Variants in GTSE1 observed in about 807,000 individuals in gnomAD.
GTSE1 encodes G2 and S phase-expressed protein 1.
GTSE1 carries 52 observed loss-of-function variants against 60.5 expected under a neutral mutation model. The ratio of observed to expected loss-of-function variants is 0.86; its 90% CI spans 0.69 to 1.08. The LOEUF (loss-of-function observed/expected upper bound fraction) is 1.08, where lower values mean the gene tolerates loss of function less well. Among genes scored for constraint, GTSE1 ranks in the 50% least tolerant of loss-of-function variants. The probability of loss-of-function intolerance (pLI) is 0.00; values close to 1 mark genes in which losing one functional copy is unlikely to be tolerated. For missense variants in GTSE1, 937 were observed against 961.8 expected, an observed-to-expected ratio of 0.97 and a Z score of 0.34; for synonymous variants, 368 against 386.5, an observed-to-expected ratio of 0.95 and a Z score of 0.56.
At chr22:46,301,069 A>G (rs1049565177) in intron 2 of GTSE1, among the ~76,000 whole-genome samples, 2 of 152,224 alleles carry the variant, frequency 1.3e-5, no homozygotes, top group African/African-American at 4.8e-5. Context: ...ATTGTGTATC[A>G]ACACATGAAG....
intron 2 of GTSE1, among the ~76,000 whole-genome samples, chr22:46,301,060 T>A (rs1465808365): frequency 6.6e-6 from 1 of 152,230 alleles, no homozygotes; most frequent in Non-Finnish European, 1.5e-5. Flanking sequence ...TTGATGAATA[T>A]TGTGTATCAA....
chr22:46,297,845 C>G lies in GTSE1; in HGVS notation c.79+366C>G, dbSNP rs2077666242. ...TTTGAGACCATGTTAATGAGTAAGC[C>G]TGGCCCCAAACCCCTTTCTTCTTGT... On this transcript the variant is annotated intron_variant, in intron 2 of 11. Transcript: ENST00000454366. This position sits in a 1 kb window ranked among gnomAD's most constrained non-coding sequence, Gnocchi z 4.9. Among the ~76,000 whole-genome samples the G allele has an allele frequency of 6.6e-6, 1 of 152,216 alleles. No individual in the cohort carries two copies.
chr22:46,322,015 G>A lies in GTSE1; in HGVS notation c.1433-1175G>A, dbSNP rs528812444. 1.4e-4 allele frequency among the ~76,000 whole-genome samples: 21 copies of A among 149,324 alleles called. No homozygotes were observed. The East Asian group carries it at 3.7e-3, about 27-fold the overall frequency. On this transcript the variant is annotated intron_variant, in intron 7 of 11. Transcript: ENST00000454366. ...CTTGAACCCAGGAGGCGGAGGTTGC[G>A]GTAAGCCGAGATCATGCCACTGCAC...
intron 7 of GTSE1, among the ~76,000 whole-genome samples, chr22:46,322,169 G>T (rs1018798585): frequency 6.6e-6 from 1 of 152,028 alleles, no homozygotes; most frequent in African/African-American, 2.4e-5. Context: ...GGGCAGGGAC[G>T]TGGGACAGGA....
rs1241462352 is a variant in GTSE1 at position 46,321,284 on chromosome 22, G to A, written c.1433-1906G>A. 2.0e-5 allele frequency among the ~76,000 whole-genome samples: 3 copies of A among 152,172 alleles called. No homozygotes were observed. The East Asian group carries it at 5.8e-4, about 29-fold the overall frequency. ...CTGGGCATGGTGCTGGGCACCTGTA[G>A]TCCCAGCTACTTGGGAGACTGAGGC... is the stretch of plus-strand genomic sequence containing the variant. On this transcript the variant is annotated intron_variant, in intron 7 of 11. Transcript: ENST00000454366. The surrounding 1 kb of genome is among the most constrained non-coding windows in gnomAD (Gnocchi z 4.0).
Position 46,329,056 on chromosome 22 carries a change from G to T in GTSE1, c.1926+167G>T. ...CAAAGGGAGGCAGTCAGGACTTCCAGGCCTCCAGGGGAGAAAGCCCTGCAT... is the reference window on the plus strand; with the variant it reads ...CAAAGGGAGGCAGTCAGGACTTCCATGCCTCCAGGGGAGAAAGCCCTGCAT... On this transcript the variant is annotated intron_variant, in intron 10 of 11. Coordinates refer to ENST00000454366, the MANE Select transcript of GTSE1 (RefSeq NM_016426.7). This position sits in a 1 kb window ranked among gnomAD's most constrained non-coding sequence, Gnocchi z 6.4. 1.6e-6 allele frequency: 1 copy of T among 628,778 alleles called. No individual in the cohort carries two copies. The highest frequency in any genetic ancestry group is 2.8e-6 in the Non-Finnish European group (1 of 357,320). 38.9% of individuals were successfully genotyped at this position (628,778 alleles called of 1,614,324 possible). A position where few individuals can be genotyped will look rare whatever the true frequency, so the allele number is the denominator to read the frequency against.
Position 46,326,472 on chromosome 22 carries a change from T to C in GTSE1, c.1542T>C (p.Ser514=). Residue 514 remains serine (S), a synonymous_variant, in exon 9 of 12, where the codon TCT becomes TCC. Coordinates refer to ENST00000454366, the MANE Select transcript of GTSE1 (RefSeq NM_016426.7). ...ACAGCACCCCGGTTAGACGCTCATC[T>C]GGGCCAGCACCACAAAGCCTGCTGA... The part of the protein sequence containing the change: ...TVHSTPVRRS[S]GPAPQSLLSA... 3 of 1,611,164 alleles carry C rather than the reference T, an allele frequency of 1.9e-6. No individual in the cohort carries two copies. The highest frequency in any genetic ancestry group is 2.5e-6 in the Non-Finnish European group (3 of 1,177,538).
chr22:46,303,200 T>C (rs1001530584), intron 2 of GTSE1, among the ~76,000 whole-genome samples: 29 of 152,310 alleles, frequency 1.9e-4, no homozygotes, highest in African/African-American at 7.0e-4. Flanking sequence ...CTGCCCGGTC[T>C]ACTTTCCCTC....
In GTSE1 at chr22:46,308,576, A is replaced by C; in HGVS notation, c.395A>C (p.Gln132Pro). ...QAAKPEDPRSQGVERFIQESK... is the reference protein window; with the variant it reads ...QAAKPEDPRSPGVERFIQESK... Reference sequence around the variant, plus strand: ...GCCAAGCCTGAAGACCCTCGGAGCCAGGGCGTGGAAAGATTCATACAGGAG... The same window carrying C: ...GCCAAGCCTGAAGACCCTCGGAGCCCGGGCGTGGAAAGATTCATACAGGAG... The change falls in exon 4 of 12, where the codon CAG (glutamine) becomes CCG (proline). Residue 132 changes from glutamine to proline, a missense_variant. Transcript: ENST00000454366. 6.2e-7 allele frequency: 1 copy of C among 1,614,224 alleles called. No homozygotes were observed. Among genetic ancestry groups the C allele is most frequent in the South Asian group, 1.1e-5 (1 of 91,088 alleles).
At position 46,309,001 on chromosome 22, in the gene GTSE1, T is replaced by A; in HGVS notation, c.762+58T>A. ...GCCCCCACTCCTTGCCCCTCAGCCC[T>A]CTCACAGAAGCCACATGCGGAAAGC... On this transcript the variant is annotated intron_variant, in intron 4 of 11. Coordinates refer to ENST00000454366, the MANE Select transcript of GTSE1 (RefSeq NM_016426.7). The surrounding 1 kb of genome is among the most constrained non-coding windows in gnomAD (Gnocchi z 6.2). 1 of 1,534,052 alleles carries A rather than the reference T, an allele frequency of 6.5e-7. No homozygotes were observed. Among genetic ancestry groups the A allele is most frequent in the East Asian group, 2.3e-5 (1 of 44,226 alleles).
chr22:46,299,654 C>T (rs2147810556), intron 2 of GTSE1, among the ~76,000 whole-genome samples: 1 of 152,326 alleles, frequency 6.6e-6, no homozygotes, highest in East Asian at 1.9e-4. Context: ...GTCTCACCGG[C>T]TTCTACTTCC....
At chr22:46,315,910 A>G in intron 6 of GTSE1, 122 bp from the exon 7 acceptor site, 2 of 781,156 alleles carry the variant, frequency 2.6e-6, no homozygotes, top group Non-Finnish European at 4.0e-6. Flanking sequence ...AAGGGCTTAT[A>G]GAATATTGTT....
intron 8 of GTSE1, 73 bp downstream of exon 8, chr22:46,323,335 T>C: frequency 8.6e-7 from 1 of 1,157,498 alleles, no homozygotes; most frequent in Non-Finnish European, 1.3e-6. Context: ...CTCAACCATT[T>C]GGTAACCCTG....
rs1311409064 is a variant in GTSE1 at position 46,316,573 on chromosome 22, G to A, written c.1432+161G>A. ...GTCTTCTCGCCCACGTTGTTTTGGG[G>A]GGTCACTGGAGGCTCCCTGAATGTC... is the stretch of plus-strand genomic sequence containing the variant. On this transcript the variant is annotated intron_variant, in intron 7 of 11. Coordinates refer to ENST00000454366, the MANE Select transcript of GTSE1 (RefSeq NM_016426.7). This position sits in a 1 kb window ranked among gnomAD's most constrained non-coding sequence, Gnocchi z 5.0. Among the ~76,000 whole-genome samples, 2 of 152,170 alleles carry A rather than the reference G, an allele frequency of 1.3e-5. No homozygotes were observed. Among genetic ancestry groups the A allele is most frequent in the African/African-American group, 4.8e-5 (2 of 41,422 alleles).
At chr22:46,326,013 T>G (rs1297063539) in intron 8 of GTSE1, among the ~76,000 whole-genome samples, 2 of 152,250 alleles carry the variant, frequency 1.3e-5, no homozygotes, top group Admixed American at 1.3e-4. Context: ...GGAGACCTGC[T>G]CCCCCATTCG....
Position 46,310,940 on chromosome 22 carries a change from C to T in GTSE1, c.763-1201C>T, listed in dbSNP as rs1288879864. 6.6e-6 allele frequency among the ~76,000 whole-genome samples: 1 copy of T among 151,988 alleles called. No individual in the cohort carries two copies. The highest frequency in any genetic ancestry group is 1.5e-5 in the Non-Finnish European group (1 of 68,014). On this transcript the variant is annotated intron_variant, in intron 4 of 11. Transcript: ENST00000454366. This position sits in a 1 kb window ranked among gnomAD's most constrained non-coding sequence, Gnocchi z 4.4. ...GAGGCCATAACAAAAGGTCCCATGTCGTATGGTTCCATTTATATGAAATGA... is the reference window on the plus strand; with the variant it reads ...GAGGCCATAACAAAAGGTCCCATGTTGTATGGTTCCATTTATATGAAATGA...
rs2077758041 is a variant in GTSE1, at chr22:46,313,077, T to G, written c.927+772T>G. Among the ~76,000 whole-genome samples, 1 of 150,400 alleles carries G rather than the reference T, an allele frequency of 6.6e-6. No homozygotes were observed. The highest frequency in any genetic ancestry group is 1.9e-4 in the East Asian group (1 of 5,144). On this transcript the variant is annotated intron_variant, in intron 5 of 11. Coordinates refer to ENST00000454366, the MANE Select transcript of GTSE1 (RefSeq NM_016426.7). The surrounding 1 kb of genome is among the most constrained non-coding windows in gnomAD (Gnocchi z 4.4). ...ATTTGGGAGGTTGAGGTGGGAGGAT[T>G]GCTTGAGCCCAGGAGGTCAAGGCTG... is the stretch of plus-strand genomic sequence containing the variant.
chr22:46,307,409 A>C (rs1257644051), intron 2 of GTSE1, among the ~76,000 whole-genome samples: 1 of 152,228 alleles, frequency 6.6e-6, no homozygotes, highest in Non-Finnish European at 1.5e-5. Context: ...CTTCTTGAAA[A>C]GCTAGTTGAA....
rs542457744 is a variant in GTSE1, at chr22:46,303,067, T to G, written c.80-5083T>G. Among the ~76,000 whole-genome samples, 374 of 151,978 alleles carry G rather than the reference T, an allele frequency of 2.5e-3. 1 individual carries two copies. The highest frequency in any genetic ancestry group is 8.7e-3 in the African/African-American group (361 of 41,454). On this transcript the variant is annotated intron_variant, in intron 2 of 11. Transcript: ENST00000454366. ...GGCACCTGCCACCACACCCGGCTAA[T>G]TTTTTGTATTTTTTAGTAGAGATGG...
Sources: gnomAD v4.1 joint callset for allele counts (sites outside exome capture counted in the v4.1 genomes callset) on GRCh38, gnomAD v4.1.1 for gene constraint, Gnocchi (gnomAD v3.1) non-coding constraint, MANE v1.5 for transcripts, NCBI Gene and HGNC (gene_info 2026-07-23, HGNC 2026-07-21) for gene names.